Variants in KIAA1549L observed in about 807,000 individuals in gnomAD.
KIAA1549L encodes KIAA1549 like, also known as UPF0606 protein KIAA1549L.
Under a neutral mutation model 160.7 loss-of-function variants are expected in KIAA1549L, and 88 were observed. That is an observed-to-expected ratio of 0.55 (90% CI 0.46 to 0.65). The LOEUF is 0.65. KIAA1549L is among the 30% of genes least tolerant of loss of function. KIAA1549L has a pLI of 0.00. For synonymous variants in KIAA1549L, 950 were observed against 976.7 expected (o/e 0.97, Z 0.51); for missense variants, 2,258 against 2,437.5 (o/e 0.93, Z 1.55).
intron 1 of KIAA1549L, among the ~76,000 whole-genome samples, chr11:33,463,671 C>T (rs1033648914): frequency 3.3e-5 from 5 of 152,200 alleles, no homozygotes; most frequent in Non-Finnish European, 1.5e-5. Flanking sequence ...CTCAGCTGAG[C>T]ATGATTAGGA....
At chr11:33,471,210 C>A (rs1031890366) in intron 1 of KIAA1549L, among the ~76,000 whole-genome samples, 2 of 149,512 alleles carry the variant, frequency 1.3e-5, no homozygotes, top group Non-Finnish European at 3.0e-5. Context: ...AAAGGCCCAT[C>A]TCAGAACCTT....
chr11:33,533,463 A>G (rs983259292), intron 1 of KIAA1549L, among the ~76,000 whole-genome samples: 1 of 152,188 alleles, frequency 6.6e-6, no homozygotes, highest in Admixed American at 6.5e-5. Flanking sequence ...CTGCTCTCTG[A>G]TGCGTTTAGT....
intron 12 of KIAA1549L, 71 bp from the exon 13 acceptor site, chr11:33,598,749 T>G: frequency 6.4e-7 from 1 of 1,564,684 alleles, no homozygotes; most frequent in South Asian, 1.1e-5. Context: ...ACTGTGCAAA[T>G]AAAATAACCT....
intron 1 of KIAA1549L, among the ~76,000 whole-genome samples, chr11:33,386,641 C>A (rs1395067212): frequency 6.6e-6 from 1 of 152,140 alleles, no homozygotes; most frequent in Non-Finnish European, 1.5e-5. Context: ...TGAGATCATG[C>A]CACTGCACTC....
rs114507571 is a variant in KIAA1549L at position 33,550,656 on chromosome 11, C to A, written c.3502-384C>A. ...AATCTATCATTTCTACCTTTTAATT[C>A]TCATAAATGATGAGAAATATAAGAA... On this transcript the variant is annotated intron_variant, in intron 4 of 20. Coordinates refer to ENST00000658780, the MANE Select transcript of KIAA1549L (RefSeq NM_012194.3). 2.8e-3 allele frequency among the ~76,000 whole-genome samples: 432 copies of A among 152,280 alleles called. 3 individuals carry two copies. Among genetic ancestry groups the A allele is most frequent in the African/African-American group, 9.9e-3 (411 of 41,564 alleles).
chr11:33,442,135 A>G (rs1288749041), intron 1 of KIAA1549L, among the ~76,000 whole-genome samples: 2 of 151,912 alleles, frequency 1.3e-5, no homozygotes, highest in Non-Finnish European at 2.9e-5. Context: ...AGCTTTCTAC[A>G]TATGGCTAGC....
intron 1 of KIAA1549L, among the ~76,000 whole-genome samples, chr11:33,503,339 A>G (rs1852998916): frequency 6.6e-6 from 1 of 152,200 alleles, no homozygotes; most frequent in Non-Finnish European, 1.5e-5. Context: ...TCCTCTGGCA[A>G]TGAGCATTTG....
At chr11:33,379,279 C>T (rs1850024969) in intron 1 of KIAA1549L, among the ~76,000 whole-genome samples, 1 of 152,200 alleles carries the variant, frequency 6.6e-6, no homozygotes, top group Admixed American at 6.5e-5. Flanking sequence ...TCCCAGTCTA[C>T]TTCCACCCAC....
chr11:33,591,147 C>G, intron 11 of KIAA1549L, 90 bp from the exon 12 acceptor site: 1 of 868,016 alleles, frequency 1.2e-6, no homozygotes, highest in Non-Finnish European at 1.9e-6. Context: ...AAGTTTGGTC[C>G]CATCTTTTTG....
intron 17 of KIAA1549L, among the ~76,000 whole-genome samples, chr11:33,650,599 C>T (rs936327961): frequency 1.3e-5 from 2 of 152,082 alleles, no homozygotes; most frequent in Admixed American, 6.6e-5. Context: ...TCGGGTTGCC[C>T]GTCCAGGCAG....
intron 1 of KIAA1549L, among the ~76,000 whole-genome samples, chr11:33,442,799 G>A (rs985406774): frequency 2.0e-5 from 3 of 152,028 alleles, no homozygotes; most frequent in Admixed American, 2.0e-4. Context: ...GGCTAGACGT[G>A]TGTTAAACTT....
intron 13 of KIAA1549L, among the ~76,000 whole-genome samples, chr11:33,600,634 G>A (rs1590385295): frequency 6.7e-6 from 1 of 148,706 alleles, no homozygotes; most frequent in African/African-American, 2.5e-5. Flanking sequence ...CACTCCTCCA[G>A]ATGCCCCACT....
intron 1 of KIAA1549L, among the ~76,000 whole-genome samples, chr11:33,449,470 C>T (rs1359996237): frequency 1.3e-5 from 2 of 152,060 alleles, no homozygotes; most frequent in African/African-American, 4.8e-5. Flanking sequence ...AGCAGGCTGC[C>T]AAAGAGGAGA....
chr11:33,404,488 T>C (rs1169972167), intron 1 of KIAA1549L, among the ~76,000 whole-genome samples: 1 of 151,446 alleles, frequency 6.6e-6, no homozygotes, highest in South Asian at 2.1e-4. Flanking sequence ...GATCACACAA[T>C]TGCACTCCAG....
chr11:33,385,302 A>G (rs1850152671), intron 1 of KIAA1549L, among the ~76,000 whole-genome samples: 1 of 152,204 alleles, frequency 6.6e-6, no homozygotes, highest in African/African-American at 2.4e-5. Flanking sequence ...TCCATATGCC[A>G]GTACAACACT....
chr11:33,550,197 A>G (rs1324006560), intron 4 of KIAA1549L, among the ~76,000 whole-genome samples: 2 of 152,038 alleles, frequency 1.3e-5, no homozygotes, highest in African/African-American at 4.8e-5. Flanking sequence ...TAGATTGTAT[A>G]TTGTGTGTTT....
intron 17 of KIAA1549L, among the ~76,000 whole-genome samples, chr11:33,648,931 T>C (rs996256510): frequency 6.6e-6 from 1 of 152,232 alleles, no homozygotes; most frequent in Non-Finnish European, 1.5e-5. Context: ...CATTGTCTAC[T>C]GGACACAGCT....
rs150135350 is a variant in KIAA1549L, at chr11:33,494,737, C to T, written c.239-47065C>T. ...TTTCATTTTGATTGTGTTGCAAATC[C>T]GGAAAAGAGCCACTTTGGCTCGATG... On this transcript the variant is annotated intron_variant, in intron 1 of 20. Coordinates refer to ENST00000658780, the MANE Select transcript of KIAA1549L (RefSeq NM_012194.3). Among the ~76,000 whole-genome samples the T allele has an allele frequency of 3.3e-3, 499 of 152,178 alleles. 1 individual carries two copies. Among genetic ancestry groups the T allele is most frequent in the African/African-American group, 0.011 (465 of 41,516 alleles).
intron 8 of KIAA1549L, among the ~76,000 whole-genome samples, chr11:33,563,668 A>C (rs2133224213): frequency 6.6e-6 from 1 of 152,354 alleles, no homozygotes; most frequent in African/African-American, 2.4e-5. Context: ...CCTGCTAAGA[A>C]GGCAAACAAA....
Sources: allele counts gnomAD v4.1 joint callset (sites outside exome capture counted in the v4.1 genomes callset), GRCh38; gene constraint gnomAD v4.1.1; transcripts MANE v1.5; gene names NCBI Gene and HGNC (gene_info 2026-07-23, HGNC 2026-07-21).